Variants in COMMD1 observed in about 807,000 individuals in gnomAD.
COMMD1 encodes copper metabolism domain containing 1.
COMMD1 carries 10 observed loss-of-function variants against 17.2 expected under a neutral mutation model. That is an observed-to-expected ratio of 0.58 (90% confidence interval 0.36 to 0.99). COMMD1 has a LOEUF of 0.99. Ranked by LOEUF, COMMD1 falls within the 50% of genes least tolerant of loss-of-function variation. The pLI is 0.01. For missense variants in COMMD1, 270 were observed against 231.8 expected (o/e 1.17, Z -1.07); for synonymous variants, 97 against 91.6 (o/e 1.06, Z -0.34).
chr2:62,076,193 AAACACTGTGTAG>A lies in COMMD1; in HGVS notation c.463-59636_463-59625del, dbSNP rs377719129. 7.3e-3 allele frequency among the ~76,000 whole-genome samples: 1,119 copies of A among 152,366 alleles called. 14 individuals are homozygous for A. Among genetic ancestry groups the A allele is most frequent in the African/African-American group, 0.025 (1,034 of 41,582 alleles). ...ATTTGTTGAATGCTTACTATGTTCA[AAACACTGTGTAG>A]ATGCAATAATGAATCAGATTCCTGT... On this transcript the variant is annotated intron_variant, in intron 2 of 2. Coordinates refer to ENST00000311832, the MANE Select transcript of COMMD1 (RefSeq NM_152516.4).
intron 2 of COMMD1, among the ~76,000 whole-genome samples, chr2:62,046,713 T>A (rs1046256282): frequency 1.3e-5 from 2 of 152,216 alleles, no homozygotes; most frequent in African/African-American, 4.8e-5. Context: ...CAGATGGCAG[T>A]TTTGAGGAAA....
upstream of COMMD1, among the ~76,000 whole-genome samples, chr2:61,901,122 TCTTTAGTAGAGACAGGGTTTC>T (rs1669646887): frequency 6.6e-6 from 1 of 151,854 alleles, no homozygotes; most frequent in Non-Finnish European, 1.5e-5. Context: ...AATTTTTGTA[TCTTTAGTAGAGACAGGGTTTC>T]ACCATGTTGG....
intron 2 of COMMD1, among the ~76,000 whole-genome samples, chr2:62,009,795 TA>T (rs1278675306): frequency 1.3e-5 from 2 of 151,688 alleles, no homozygotes; most frequent in Non-Finnish European, 2.9e-5. Flanking sequence ...TAAAATAAAA[TA>T]AAAAATAAAA....
chr2:62,043,879 A>G (rs1342583548), intron 2 of COMMD1, among the ~76,000 whole-genome samples: 1 of 152,090 alleles, frequency 6.6e-6, no homozygotes, highest in Non-Finnish European at 1.5e-5. Flanking sequence ...GTTAGGCTCT[A>G]TATCTGTTTT....
chr2:62,135,075 G>C (rs1245912995), intron 2 of COMMD1, among the ~76,000 whole-genome samples: 1 of 152,166 alleles, frequency 6.6e-6, no homozygotes, highest in African/African-American at 2.4e-5. Flanking sequence ...TGTAATCCAA[G>C]GTGCTGTGGA....
intron 1 of COMMD1, among the ~76,000 whole-genome samples, chr2:61,976,723 A>G (rs1253671839): frequency 1.3e-5 from 2 of 152,236 alleles, no homozygotes; most frequent in Admixed American, 6.5e-5. Context: ...AAGAGGTGGA[A>G]CACAGAATTT....
chr2:62,035,274 T>G (rs1268188048), intron 2 of COMMD1, among the ~76,000 whole-genome samples: 1 of 152,256 alleles, frequency 6.6e-6, no homozygotes, highest in Non-Finnish European at 1.5e-5. Flanking sequence ...TTATTTTCCC[T>G]TTATTCCAAT....
intron 1 of COMMD1, among the ~76,000 whole-genome samples, chr2:61,920,408 C>T (rs1372209244): frequency 2.0e-5 from 3 of 151,772 alleles, no homozygotes; most frequent in African/African-American, 2.4e-5. Context: ...AAAGAAAGAA[C>T]ATACTTTTTT....
chr2:62,110,740 G>A (rs982975581), intron 2 of COMMD1, among the ~76,000 whole-genome samples: 1 of 151,974 alleles, frequency 6.6e-6, no homozygotes, highest in African/African-American at 2.4e-5. Flanking sequence ...TATGAGGGAG[G>A]AAAAATAATT....
intron 2 of COMMD1, among the ~76,000 whole-genome samples, chr2:62,040,602 A>G (rs773377850): frequency 6.6e-6 from 1 of 152,200 alleles, no homozygotes; most frequent in Non-Finnish European, 1.5e-5. Context: ...TTGGAATTAT[A>G]TATCACCAAG....
intron 1 of COMMD1, among the ~76,000 whole-genome samples, chr2:61,892,152 T>C (rs1669447744): frequency 1.3e-5 from 2 of 152,032 alleles, no homozygotes; most frequent in South Asian, 2.1e-4. Context: ...ATTTAAAAAA[T>C]ACTTTCCAAA....
intron 1 of COMMD1, among the ~76,000 whole-genome samples, chr2:61,966,746 T>G (rs1447903397): frequency 6.6e-6 from 1 of 152,084 alleles, no homozygotes; most frequent in East Asian, 1.9e-4. Context: ...ATTTTCAAAT[T>G]GTTAAATTGA....
At chr2:62,045,389 G>A (rs1189362456) in intron 2 of COMMD1, among the ~76,000 whole-genome samples, 4 of 152,142 alleles carry the variant, frequency 2.6e-5, no homozygotes, top group African/African-American at 9.7e-5. Context: ...CATGGCTGCT[G>A]AGCAGTAAAG....
At chr2:61,911,524 C>T (rs185787874) in intron 1 of COMMD1, among the ~76,000 whole-genome samples, 276 of 152,222 alleles carry the variant, frequency 1.8e-3, no homozygotes, top group African/African-American at 5.6e-3. Context: ...CAGGCTGGAG[C>T]GCAGTGGTGC....
chr2:62,052,031 A>G (rs1414171332), intron 2 of COMMD1, among the ~76,000 whole-genome samples: 1 of 152,226 alleles, frequency 6.6e-6, no homozygotes, highest in Non-Finnish European at 1.5e-5. Context: ...GTCTTCTTCA[A>G]TGAGATGACT....
intron 2 of COMMD1, among the ~76,000 whole-genome samples, chr2:62,007,693 A>G (rs1474855699): frequency 6.6e-6 from 1 of 152,194 alleles, no homozygotes; most frequent in Admixed American, 6.5e-5. Flanking sequence ...TATACCATAT[A>G]ACCTAGGTGT....
intron 1 of COMMD1, among the ~76,000 whole-genome samples, chr2:61,981,764 G>A (rs972820246): frequency 3.2e-4 from 48 of 152,012 alleles, no homozygotes; most frequent in African/African-American, 1.2e-3. Context: ...TCACTATTAC[G>A]AGAACAGCAT....
chr2:62,111,730 G>T (rs1019839596), intron 2 of COMMD1, among the ~76,000 whole-genome samples: 3 of 152,186 alleles, frequency 2.0e-5, no homozygotes, highest in African/African-American at 7.2e-5. Flanking sequence ...CTTGGCTTCT[G>T]AGGGTACTTC....
At chr2:61,890,661 C>T (rs1373450249) in intron 1 of COMMD1, among the ~76,000 whole-genome samples, 1 of 151,670 alleles carries the variant, frequency 6.6e-6, no homozygotes. Flanking sequence ...GCCAACGTGG[C>T]GAAACCCCGT....
Sources: allele counts gnomAD v4.1 joint callset (sites outside exome capture counted in the v4.1 genomes callset), GRCh38; gene constraint gnomAD v4.1.1; transcripts MANE v1.5; gene names NCBI Gene and HGNC (gene_info 2026-07-23, HGNC 2026-07-21).